The following TMEM181 variants were observed in gnomAD, a reference collection of about 807,000 sequenced individuals.
TMEM181 encodes G protein-coupled receptor 178.
TMEM181 carries 39 observed loss-of-function variants against 71.9 expected under a neutral mutation model. The ratio of observed to expected loss-of-function variants is 0.54; its 90% CI spans 0.42 to 0.71. TMEM181 has a LOEUF of 0.71. Ranked by LOEUF, TMEM181 falls within the 30% of genes least tolerant of loss-of-function variation. The pLI, the probability that TMEM181 is intolerant of heterozygous loss-of-function variation, is 0.00. For synonymous variants in TMEM181, 245 were observed against 228.8 expected, an observed-to-expected ratio of 1.07 and a Z score of -0.64; for missense variants, 595 against 583.0, an observed-to-expected ratio of 1.02 and a Z score of -0.21.
intron 1 of TMEM181, among the ~76,000 whole-genome samples, chr6:158,565,841 A>C (rs539246772): frequency 1.3e-5 from 2 of 152,044 alleles, no homozygotes; most frequent in East Asian, 3.9e-4. Context: ...TCCCCCACAG[A>C]GCCTCGCGGT....
chr6:158,622,980 G>C (rs1295549445), intron 10 of TMEM181, among the ~76,000 whole-genome samples: 3 of 152,148 alleles, frequency 2.0e-5, no homozygotes, highest in African/African-American at 4.8e-5. Flanking sequence ...GCCTAGTGTG[G>C]TAGCAGCCTG....
intron 2 of TMEM181, among the ~76,000 whole-genome samples, chr6:158,574,030 T>C (rs1342079864): frequency 6.6e-6 from 1 of 152,114 alleles, no homozygotes; most frequent in Non-Finnish European, 1.5e-5. Flanking sequence ...CAAGTGGTTT[T>C]CACAAGGTTC....
At chr6:158,610,463 G>T (rs183064577) in intron 10 of TMEM181, 26 of 306,324 alleles carry the variant, frequency 8.5e-5, no homozygotes, top group African/African-American at 5.7e-4. Context: ...AGACAACTTG[G>T]AATACAGCAT....
At chr6:158,556,823 C>T (rs772921900), upstream of TMEM181, among the ~76,000 whole-genome samples, 7 of 152,066 alleles carry the variant, frequency 4.6e-5, no homozygotes, top group African/African-American at 1.2e-4. Context: ...AGTGCAGTGA[C>T]GCCATCTTGG....
chr6:158,573,399 A>C (rs183720615), intron 1 of TMEM181, 21 bp from the exon 2 acceptor site: 1 of 1,561,552 alleles, frequency 6.4e-7, no homozygotes, highest in Non-Finnish European at 8.7e-7. Flanking sequence ...ACCGTCCCTC[A>C]CTGCTGGCTT....
chr6:158,546,229 C>T (rs1265168416), intron 1 of TMEM181, among the ~76,000 whole-genome samples: 2 of 152,164 alleles, frequency 1.3e-5, no homozygotes, highest in Admixed American at 1.3e-4. Context: ...TCAGCTTCTG[C>T]AAGCGGAAAT....
At chr6:158,568,976 TTTTTA>T (rs1372188824) in intron 1 of TMEM181, among the ~76,000 whole-genome samples, 8 of 152,166 alleles carry the variant, frequency 5.3e-5, no homozygotes, top group African/African-American at 1.7e-4. Flanking sequence ...GCTCAAATCT[TTTTTA>T]TTTTAATTTT....
intron 6 of TMEM181, among the ~76,000 whole-genome samples, chr6:158,602,403 C>G (rs888008356): frequency 6.6e-6 from 1 of 152,116 alleles, no homozygotes; most frequent in Non-Finnish European, 1.5e-5. Flanking sequence ...TGGATAAATG[C>G]TAGAAATGGA....
chr6:158,546,820 C>T (rs761697021), intron 1 of TMEM181, among the ~76,000 whole-genome samples: 36 of 151,812 alleles, frequency 2.4e-4, no homozygotes, highest in Admixed American at 3.9e-4. Flanking sequence ...ATTAGCAGGG[C>T]GTGGTGGTGG....
Position 158,543,921 on chromosome 6 carries a change from C to T in TMEM181, c.131+7056C>T, listed in dbSNP as rs117792652. ...CTCCTCTCTGCCAATATTTTCTAAGCGTAGCAGCCGAATGCTTGATGAACA... is the reference window on the plus strand; with the variant it reads ...CTCCTCTCTGCCAATATTTTCTAAGTGTAGCAGCCGAATGCTTGATGAACA... On this transcript the variant is annotated intron_variant, in intron 1 of 16. Transcript: ENST00000367090. Among the ~76,000 whole-genome samples, 744 of 152,272 alleles carry T rather than the reference C, an allele frequency of 4.9e-3. 2 individuals carry two copies. The highest frequency in any genetic ancestry group is 0.02 in the Middle Eastern group (6 of 294).
intron 1 of TMEM181, among the ~76,000 whole-genome samples, chr6:158,553,778 A>G (rs2128282044): frequency 6.6e-6 from 1 of 152,354 alleles, no homozygotes; most frequent in African/African-American, 2.4e-5. Flanking sequence ...ACTAAAACGC[A>G]TTCGGGTTAA....
intron 2 of TMEM181, among the ~76,000 whole-genome samples, chr6:158,578,361 A>G (rs1040229395): frequency 7.9e-5 from 12 of 152,140 alleles, no homozygotes; most frequent in African/African-American, 2.9e-4. Context: ...GTATAACTCC[A>G]TTTTTTTTGT....
At chr6:158,560,575 C>T (rs1164291605) in intron 1 of TMEM181, among the ~76,000 whole-genome samples, 1 of 152,124 alleles carries the variant, frequency 6.6e-6, no homozygotes, top group Non-Finnish European at 1.5e-5. Context: ...GTAGGGTGGC[C>T]GCCCGCACGG....
chr6:158,549,952 C>CGTT (rs1781665635), intron 1 of TMEM181, among the ~76,000 whole-genome samples: 1 of 110,860 alleles, frequency 9.0e-6, no homozygotes, highest in Non-Finnish European at 1.8e-5. Flanking sequence ...TTTGTCAGGA[C>CGTT]TTTTTTTTTT....
chr6:158,597,039 T>C (rs1784421331), intron 6 of TMEM181, among the ~76,000 whole-genome samples: 1 of 152,180 alleles, frequency 6.6e-6, no homozygotes, highest in African/African-American at 2.4e-5. Flanking sequence ...GGCTCTGTTT[T>C]CAGTGGAAGG....
intron 2 of TMEM181, 109 bp from the exon 3 acceptor site, chr6:158,580,831 A>G (rs1341689621): frequency 2.1e-6 from 2 of 953,450 alleles, no homozygotes; most frequent in Non-Finnish European, 3.2e-6. Context: ...AACCAGGTGA[A>G]TTAAGGTCAT....
chr6:158,575,825 T>G (rs567277637), intron 2 of TMEM181, among the ~76,000 whole-genome samples: 2 of 152,280 alleles, frequency 1.3e-5, no homozygotes, highest in Admixed American at 6.5e-5. Context: ...TTTCCTCCTT[T>G]TGAGTGGAGG....
intron 1 of TMEM181, among the ~76,000 whole-genome samples, chr6:158,546,901 A>G (rs138743879): frequency 0.02 from 3,057 of 152,304 alleles, 93 homozygotes; most frequent in African/African-American, 0.068. Context: ...TGGAGGTTGC[A>G]GTGAGCCGAG....
intron 4 of TMEM181, among the ~76,000 whole-genome samples, chr6:158,584,376 A>G (rs984557910): frequency 6.6e-6 from 1 of 152,200 alleles, no homozygotes; most frequent in Non-Finnish European, 1.5e-5. Context: ...GCCCCCAGGG[A>G]CACTTGCCAA....
Sources: gnomAD v4.1 joint callset for allele counts (sites outside exome capture counted in the v4.1 genomes callset) on GRCh38, gnomAD v4.1.1 for gene constraint, MANE v1.5 for transcripts, NCBI Gene and HGNC (gene_info 2026-07-23, HGNC 2026-07-21) for gene names.